The following MLLT1 variants were observed in gnomAD, a reference collection of about 807,000 sequenced individuals.
The protein encoded by MLLT1 is MLLT1 super elongation complex subunit, also known as protein ENL.
In MLLT1, 11 loss-of-function variants were observed where a neutral mutation model predicts 55.1. The ratio of observed to expected loss-of-function variants is 0.20; its 90% CI spans 0.13 to 0.33. The LOEUF (loss-of-function observed/expected upper bound fraction) is 0.33. Ranked by LOEUF, MLLT1 falls within the 10% of genes least tolerant of loss-of-function variation. The probability of loss-of-function intolerance (pLI) is 1.00; values close to 1 mark genes in which losing one functional copy is unlikely to be tolerated. For missense variants in MLLT1, 536 were observed against 760.6 expected, an observed-to-expected ratio of 0.70 and a Z score of 3.47; for synonymous variants, 323 against 320.1, an observed-to-expected ratio of 1.01 and a Z score of -0.10.
At chr19:6,214,973 C>T (rs1033206577) in intron 8 of MLLT1, among the ~76,000 whole-genome samples, 2 of 152,188 alleles carry the variant, frequency 1.3e-5, no homozygotes, top group Non-Finnish European at 2.9e-5. Context: ...CTGCAGCTGC[C>T]TCCCGGCTCT....
rs1255536915 is a variant in MLLT1 at position 6,213,189 on chromosome 19, TGGCTTCAGG to T, written c.1552-28_1552-20del. On this transcript the variant is annotated intron_variant, in intron 11 of 11. Coordinates refer to ENST00000252674, the MANE Select transcript of MLLT1 (RefSeq NM_005934.4). Reference sequence around the variant, plus strand: ...TCACAATCTGTAAGGTGGTGGCAGGTGGCTTCAGGGGCAGGGGGCCAAGGGTGGGGTTGC... The same window carrying T: ...TCACAATCTGTAAGGTGGTGGCAGGTGGCAGGGGGCCAAGGGTGGGGTTGC... The T allele has an allele frequency of 6.2e-7, 1 of 1,613,558 alleles. No homozygotes were observed. The highest frequency in any genetic ancestry group is 8.5e-7 in the Non-Finnish European group (1 of 1,179,762).
At chr19:6,213,470 C>G (rs896624739) in intron 10 of MLLT1, 62 bp from the exon 11 acceptor site, 4 of 1,344,572 alleles carry the variant, frequency 3.0e-6, no homozygotes, top group Middle Eastern at 1.8e-4. Flanking sequence ...TGCTCCCATG[C>G]CCAGCCCCAC....
At chr19:6,272,126 C>A (rs1054240792) in intron 1 of MLLT1, among the ~76,000 whole-genome samples, 6 of 151,788 alleles carry the variant, frequency 4.0e-5, no homozygotes, top group African/African-American at 1.5e-4. Flanking sequence ...TTGTCACTCC[C>A]TCAGAAGGAA....
Position 6,212,635 on chromosome 19 carries a change from C to G in MLLT1, c.*407G>C, listed in dbSNP as rs760428868. 2 of 1,117,114 alleles carry G rather than the reference C, an allele frequency of 1.8e-6. No individual in the cohort carries two copies. The highest frequency in any genetic ancestry group is 9.4e-5 in the East Asian group (2 of 21,304). 69.2% of individuals were successfully genotyped at this position (1,117,114 alleles called of 1,614,324 possible). A position where few individuals can be genotyped will look rare whatever the true frequency, so the allele number is the denominator to read the frequency against. On this transcript the variant is annotated 3_prime_UTR_variant, in exon 12 of 12. Transcript: ENST00000252674. Reference sequence around the variant, plus strand: ...GGCGGAGGGTGTGTTCTGAACCATTCGGGAGGCTGGAGATGCCCCCCAGCC... The same window carrying G: ...GGCGGAGGGTGTGTTCTGAACCATTGGGGAGGCTGGAGATGCCCCCCAGCC...
chr19:6,261,392 G>T lies in MLLT1; in HGVS notation c.276+836C>A, dbSNP rs1000046459. On this transcript the variant is annotated intron_variant, in intron 3 of 11. Transcript: ENST00000252674. The stretch of plus-strand genomic sequence containing the variant: ...CGTGCCAGAGGGTTTGTGGAAAAGT[G>T]GAATGGCAGCCACGCAGCCCGGCAC... Among the ~76,000 whole-genome samples, 19 of 152,208 alleles carry T rather than the reference G, an allele frequency of 1.2e-4. 1 individual carries two copies. Among genetic ancestry groups the T allele is most frequent in the African/African-American group, 4.1e-4 (17 of 41,442 alleles).
At chr19:6,265,072 A>AAC (rs2091338541) in intron 2 of MLLT1, among the ~76,000 whole-genome samples, 16 of 145,408 alleles carry the variant, frequency 1.1e-4, no homozygotes, top group East Asian at 6.1e-4. Context: ...AAACAAAAAA[A>AAC]AACATGATGT....
chr19:6,274,908 G>T (rs1362050236), intron 1 of MLLT1, among the ~76,000 whole-genome samples: 2 of 152,236 alleles, frequency 1.3e-5, no homozygotes, highest in African/African-American at 4.8e-5. Flanking sequence ...CTGGCAGAGG[G>T]CACTTGGAAC....
chr19:6,217,552 A>T (rs1401756514), intron 7 of MLLT1, among the ~76,000 whole-genome samples: 2 of 152,168 alleles, frequency 1.3e-5, no homozygotes, highest in East Asian at 1.9e-4. Context: ...GCAGCAGGAG[A>T]CCCCGGCCGT....
intron 6 of MLLT1, 95 bp from the exon 7 acceptor site, chr19:6,218,136 G>A (rs568822225): frequency 2.0e-6 from 3 of 1,490,972 alleles, no homozygotes; most frequent in Non-Finnish European, 2.7e-6. Flanking sequence ...CAGCTACGCT[G>A]AGTGGGTCTC....
chr19:6,248,935 G>A (rs750685475), intron 3 of MLLT1, among the ~76,000 whole-genome samples: 17 of 152,178 alleles, frequency 1.1e-4, no homozygotes, highest in South Asian at 2.1e-4. Context: ...TAAAAAAATC[G>A]TAACTATGAG....
intron 1 of MLLT1, among the ~76,000 whole-genome samples, chr19:6,277,484 T>C (rs1179872240): frequency 2.0e-5 from 3 of 152,178 alleles, no homozygotes; most frequent in Non-Finnish European, 4.4e-5. Context: ...ACTGAAGTTG[T>C]CATTCGAGTT....
In MLLT1 at chr19:6,266,459, G is replaced by T. The variant is rs890290856; in HGVS notation, c.193+4120C>A. 2.4e-4 allele frequency among the ~76,000 whole-genome samples: 36 copies of T among 151,946 alleles called. 1 individual carries two copies. The highest frequency in any genetic ancestry group is 1.1e-3 in the Admixed American group (16 of 15,234). The stretch of plus-strand genomic sequence containing the variant: ...TGCCCACGTCTTATAAATTTTTTTT[G>T]TTTGTTTGTTTTTTTGAGACAGAGT... On this transcript the variant is annotated intron_variant, in intron 2 of 11. Coordinates refer to ENST00000252674, the MANE Select transcript of MLLT1 (RefSeq NM_005934.4).
intron 3 of MLLT1, among the ~76,000 whole-genome samples, chr19:6,253,594 A>T (rs896874717): frequency 2.0e-5 from 3 of 152,184 alleles, no homozygotes; most frequent in Non-Finnish European, 4.4e-5. Context: ...TAGCAAACCC[A>T]ATCCAACAGC....
intron 3 of MLLT1, among the ~76,000 whole-genome samples, chr19:6,239,613 ACACC>A (rs962815752): frequency 2.6e-5 from 4 of 152,100 alleles, no homozygotes; most frequent in Non-Finnish European, 4.4e-5. Context: ...GCACATGCAC[ACACC>A]CACCCACACA....
chr19:6,227,298 A>G lies in MLLT1; in HGVS notation c.421-196T>C, dbSNP rs1257684673. Among the ~76,000 whole-genome samples, 1 of 152,008 alleles carries G rather than the reference A, an allele frequency of 6.6e-6. No homozygotes were observed. The highest frequency in any genetic ancestry group is 1.9e-4 in the East Asian group (1 of 5,130). On this transcript the variant is annotated intron_variant, in intron 4 of 11. Transcript: ENST00000252674. This position sits in a 1 kb window ranked among gnomAD's most constrained non-coding sequence, Gnocchi z 5.1. ...GCAGAAGAAGCAGGCATGGGTGGGG[A>G]GCGAAGAAAAGCCCAGGGTCCCAGG... is the stretch of plus-strand genomic sequence containing the variant.
rs969620409 is a variant in MLLT1 at position 6,212,710 on chromosome 19, C to T, written c.*332G>A. ...GGGGCAGCGACGCCGCACAGCCCGC[C>T]GAGCAGTGGGGGCTGGTCCCAAGGC... On this transcript the variant is annotated 3_prime_UTR_variant, in exon 12 of 12. Transcript: ENST00000252674. 4.4e-6 allele frequency: 5 copies of T among 1,142,086 alleles called. No individual in the cohort carries two copies. The highest frequency in any genetic ancestry group is 1.6e-5 in the African/African-American group (1 of 62,004). The allele number at this position is 1,142,086 out of a possible 1,614,324, so 70.7% of individuals were successfully genotyped here. A position where few individuals can be genotyped will look rare whatever the true frequency, so the allele number is the denominator to read the frequency against.
At chr19:6,268,265 C>T (rs1057297333) in intron 2 of MLLT1, among the ~76,000 whole-genome samples, 2 of 152,146 alleles carry the variant, frequency 1.3e-5, no homozygotes, top group African/African-American at 2.4e-5. Context: ...AGACAACCAA[C>T]GCAAAAGCGA....
rs756968664 is a variant in MLLT1, at chr19:6,257,756, G to GCGCC, written c.276+4468_276+4471dup. Among the ~76,000 whole-genome samples the GCGCC allele has an allele frequency of 3.4e-4, 51 of 150,750 alleles. 1 individual carries two copies. Among genetic ancestry groups the GCGCC allele is most frequent in the Admixed American group, 1.1e-3 (17 of 15,162 alleles). Reference sequence around the variant, plus strand: ...GCAGAGGTTGTAGTGAGCCGAGATGGCGCCACTGCACTCCAGCCTGGCCAA... The same window carrying GCGCC: ...GCAGAGGTTGTAGTGAGCCGAGATGGCGCCCGCCACTGCACTCCAGCCTGGCCAA... On this transcript the variant is annotated intron_variant, in intron 3 of 11. Coordinates refer to ENST00000252674, the MANE Select transcript of MLLT1 (RefSeq NM_005934.4).
intron 3 of MLLT1, among the ~76,000 whole-genome samples, chr19:6,250,510 T>C (rs912628025): frequency 2.6e-5 from 4 of 152,190 alleles, no homozygotes; most frequent in East Asian, 1.9e-4. Context: ...TTATATAAAA[T>C]AGCAGCATTT....
Sources: allele counts gnomAD v4.1 joint callset (sites outside exome capture counted in the v4.1 genomes callset), GRCh38; gene constraint gnomAD v4.1.1; non-coding constraint Gnocchi (gnomAD v3.1); transcripts MANE v1.5; gene names NCBI Gene and HGNC (gene_info 2026-07-23, HGNC 2026-07-21).